The following THEMIS variants were observed in gnomAD, a reference collection of about 807,000 sequenced individuals.
The protein encoded by THEMIS is thymocyte selection associated.
THEMIS carries 37 observed loss-of-function variants against 52.6 expected under a neutral mutation model. The ratio of observed to expected loss-of-function variants is 0.70; its 90% CI spans 0.54 to 0.93. The LOEUF is 0.93. Among genes scored for constraint, THEMIS ranks in the 40% least tolerant of loss-of-function variants. The pLI, the probability that THEMIS is intolerant of heterozygous loss-of-function variation, is 0.00. For missense variants in THEMIS, 808 were observed against 763.1 expected, an observed-to-expected ratio of 1.06 and a Z score of -0.69; for synonymous variants, 292 against 272.7, an observed-to-expected ratio of 1.07 and a Z score of -0.70.
At chr6:127,730,816 C>A (rs1774767149) in intron 4 of THEMIS, among the ~76,000 whole-genome samples, 1 of 152,160 alleles carries the variant, frequency 6.6e-6, no homozygotes, top group South Asian at 2.1e-4. Context: ...AAAGGGCCAG[C>A]TCAAGTGTGT....
At position 127,709,687 on chromosome 6, in the gene THEMIS, T is replaced by A; in HGVS notation, c.*298A>T. 1 of 270,518 alleles carries A rather than the reference T, an allele frequency of 3.7e-6. No homozygotes were observed. Among genetic ancestry groups the A allele is most frequent in the Non-Finnish European group, 6.9e-6 (1 of 145,614 alleles). The allele number at this position is 270,518 out of a possible 1,614,324, so 16.8% of individuals were successfully genotyped here. A position where few individuals can be genotyped will look rare whatever the true frequency, so the allele number is the denominator to read the frequency against. ...CAGAATTATTTCCCAATTACTTAGT[T>A]GTTGGTAGTAGAAATAAGAATCTGA... On this transcript the variant is annotated 3_prime_UTR_variant, in exon 6 of 6. Transcript: ENST00000368248.
At chr6:127,846,667 G>T (rs1463832181) in intron 2 of THEMIS, among the ~76,000 whole-genome samples, 1 of 151,770 alleles carries the variant, frequency 6.6e-6, no homozygotes, top group South Asian at 2.1e-4. Context: ...ACCAAAAAAA[G>T]CCCAGGGCCA....
intron 4 of THEMIS, among the ~76,000 whole-genome samples, chr6:127,775,710 T>C (rs567151083): frequency 1.3e-5 from 2 of 152,306 alleles, no homozygotes; most frequent in African/African-American, 2.4e-5. Context: ...TTCTGTAATT[T>C]AATATAAATG....
chr6:127,712,270 A>G (rs1189313455), intron 5 of THEMIS, among the ~76,000 whole-genome samples: 3 of 151,912 alleles, frequency 2.0e-5, no homozygotes, highest in Non-Finnish European at 4.4e-5. Flanking sequence ...TAGTTTTAGA[A>G]GAGACCTTAT....
rs58472332 is a variant in THEMIS, at chr6:127,907,337, A to ATTTTTTTTTTTTTTTTTTTTTTTTTTT, written c.-149-6283_-149-6257dup. On this transcript the variant is annotated intron_variant, in intron 1 of 6. Transcript: ENST00000368250. Reference sequence around the variant, plus strand: ...AATACCATTAGGGCATTAGGCTCGGATTTTTTTTTTTTTTTTTTTTTTTTT... The same window carrying ATTTTTTTTTTTTTTTTTTTTTTTTTTT: ...AATACCATTAGGGCATTAGGCTCGGATTTTTTTTTTTTTTTTTTTTTTTTTTTTTTTTTTTTTTTTTTTTTTTTTTTT... 6.9e-4 allele frequency among the ~76,000 whole-genome samples: 34 copies of ATTTTTTTTTTTTTTTTTTTTTTTTTTT among 49,448 alleles called. 9 individuals are homozygous for ATTTTTTTTTTTTTTTTTTTTTTTTTTT. The highest frequency in any genetic ancestry group is 1.0e-3 in the African/African-American group (13 of 12,832). The allele number at this position is 49,448 out of a possible 152,430, so 32.4% of individuals were successfully genotyped here.
At chr6:127,836,289 A>T (rs79008953) in intron 2 of THEMIS, among the ~76,000 whole-genome samples, 1 of 152,270 alleles carries the variant, frequency 6.6e-6, no homozygotes, top group East Asian at 1.9e-4. Flanking sequence ...GCTTATGATT[A>T]TGTAAAGCCC....
At chr6:127,785,850 A>G (rs888231058) in intron 4 of THEMIS, among the ~76,000 whole-genome samples, 2 of 152,018 alleles carry the variant, frequency 1.3e-5, no homozygotes, top group Non-Finnish European at 2.9e-5. Context: ...ATAATTAATT[A>G]TTGTTAAATA....
intron 4 of THEMIS, among the ~76,000 whole-genome samples, chr6:127,779,794 G>A (rs896067881): frequency 6.6e-6 from 1 of 152,104 alleles, no homozygotes; most frequent in Non-Finnish European, 1.5e-5. Flanking sequence ...GAGACATTTA[G>A]AAGAGACCAC....
At chr6:127,798,923 C>T (rs1463381136) in intron 4 of THEMIS, among the ~76,000 whole-genome samples, 2 of 144,486 alleles carry the variant, frequency 1.4e-5, no homozygotes, top group Non-Finnish European at 1.5e-5. Flanking sequence ...ACCCGGGAGG[C>T]GGAGCTTGCA....
chr6:127,869,275 T>C (rs1321399194), intron 1 of THEMIS, among the ~76,000 whole-genome samples: 1 of 152,196 alleles, frequency 6.6e-6, no homozygotes. Context: ...TTGAACATCA[T>C]AGCTTAGCCT....
intron 1 of THEMIS, among the ~76,000 whole-genome samples, chr6:127,877,253 A>C (rs1367453564): frequency 1.3e-5 from 2 of 152,216 alleles, no homozygotes; most frequent in African/African-American, 2.4e-5. Flanking sequence ...AAACTTTCTT[A>C]TCAGCAATAA....
At chr6:127,758,087 A>G (rs1418038064) in intron 4 of THEMIS, among the ~76,000 whole-genome samples, 1 of 151,520 alleles carries the variant, frequency 6.6e-6, no homozygotes, top group Non-Finnish European at 1.5e-5. Context: ...ACATGTTCAT[A>G]ACAAAAGAGA....
At chr6:127,783,045 A>G (rs1164495549) in intron 4 of THEMIS, among the ~76,000 whole-genome samples, 1 of 152,198 alleles carries the variant, frequency 6.6e-6, no homozygotes, top group Non-Finnish European at 1.5e-5. Flanking sequence ...ACAGAGATAT[A>G]GACCAATGGA....
At chr6:127,851,541 G>GT (rs1779425409) in intron 2 of THEMIS, among the ~76,000 whole-genome samples, 1 of 151,692 alleles carries the variant, frequency 6.6e-6, no homozygotes, top group Non-Finnish European at 1.5e-5. Context: ...GACTTGAACA[G>GT]ACACCTCACC....
intron 3 of THEMIS, among the ~76,000 whole-genome samples, chr6:127,826,912 A>G (rs927321677): frequency 1.9e-4 from 29 of 152,118 alleles, no homozygotes; most frequent in African/African-American, 6.5e-4. Context: ...AAGTTTCCAG[A>G]AACAAATACT....
chr6:127,752,175 A>T (rs969053106), intron 4 of THEMIS, among the ~76,000 whole-genome samples: 3 of 151,700 alleles, frequency 2.0e-5, no homozygotes, highest in Non-Finnish European at 4.4e-5. Context: ...TTCTAAAAGG[A>T]AAAGTTATCA....
At chr6:127,800,375 A>G (rs1777491999) in intron 4 of THEMIS, among the ~76,000 whole-genome samples, 1 of 152,162 alleles carries the variant, frequency 6.6e-6, no homozygotes, top group Non-Finnish European at 1.5e-5. Context: ...CTCAAAGGAC[A>G]TTATTTATCA....
chr6:127,756,035 A>T (rs563628036), intron 4 of THEMIS, among the ~76,000 whole-genome samples: 2 of 151,768 alleles, frequency 1.3e-5, no homozygotes, highest in African/African-American at 4.8e-5. Context: ...TCAAAAAAAA[A>T]CACAAAAAAC....
chr6:127,901,956 T>G (rs146054526), upstream of THEMIS, among the ~76,000 whole-genome samples: 88 of 152,182 alleles, frequency 5.8e-4, no homozygotes, highest in African/African-American at 2.0e-3. Flanking sequence ...ATTTTTTGCA[T>G]GTAACTGAAA....
Sources: allele counts gnomAD v4.1 joint callset (sites outside exome capture counted in the v4.1 genomes callset), GRCh38; gene constraint gnomAD v4.1.1; transcripts MANE v1.5; gene names NCBI Gene and HGNC (gene_info 2026-07-23, HGNC 2026-07-21).